The following SLA variants were observed in gnomAD, a reference collection of about 807,000 sequenced individuals.
SLA encodes the protein src-like-adapter.
A neutral mutation model predicts 30.3 loss-of-function variants in SLA; 16 were observed. The observed-to-expected ratio is 0.53, with a 90% confidence interval of 0.36 to 0.80. The LOEUF (loss-of-function observed/expected upper bound fraction) is 0.80. Among genes scored for constraint, SLA ranks in the 30% least tolerant of loss-of-function variants. SLA has a pLI of 0.01. For synonymous variants in SLA, 143 were observed against 137.8 expected, an observed-to-expected ratio of 1.04 and a Z score of -0.26; for missense variants, 310 against 345.2, an observed-to-expected ratio of 0.90 and a Z score of 0.81.
chr8:133,046,944 T>C (rs1399069611), intron 6 of SLA, among the ~76,000 whole-genome samples: 1 of 152,228 alleles, frequency 6.6e-6, no homozygotes, highest in African/African-American at 2.4e-5. Context: ...TTTTCTCTTC[T>C]TTGATATTGA....
intron 8 of SLA, among the ~76,000 whole-genome samples, chr8:133,039,386 A>G (rs1201425907): frequency 2.0e-5 from 3 of 152,226 alleles, no homozygotes; most frequent in Non-Finnish European, 4.4e-5. Flanking sequence ...TGTTATTTAC[A>G]AGAAAGAGCA....
intron 1 of SLA, chr8:133,094,821 G>C (rs1243644737): frequency 1.6e-6 from 1 of 634,780 alleles, no homozygotes; most frequent in Admixed American, 2.3e-5. Flanking sequence ...CACTTCACAG[G>C]TTAGGAAACT....
At position 133,039,021 on chromosome 8, in the gene SLA, C is replaced by G. The variant is rs550265700; in HGVS notation, c.618-284G>C. Among the ~76,000 whole-genome samples, 5 of 152,192 alleles carry G rather than the reference C, an allele frequency of 3.3e-5. No homozygotes were observed. In the South Asian group the frequency reaches 1.0e-3, roughly 32 times the overall value. ...GCCTCCTGAGTAGCTGGGATTACAA[C>G]CATCCACCACCACGCCCAGCTAATT... On this transcript the variant is annotated intron_variant, in intron 8 of 8. Transcript: ENST00000338087.
In SLA at chr8:133,047,830, C is replaced by A. The variant is rs764844116; in HGVS notation, c.352G>T (p.Gly118Trp). 2 of 1,558,114 alleles carry A rather than the reference C, an allele frequency of 1.3e-6. No homozygotes were observed. Among genetic ancestry groups the A allele is most frequent in the South Asian group, 1.1e-5 (1 of 89,994 alleles). The stretch of plus-strand genomic sequence containing the variant: ...GAAAGATGAGTTGGGGGCCACTCAC[C>A]TTTCTTGGTCTCACTCTCTCTGATC... ...FMIRESETKK[G>W]FYSLSVRHRQ... The change falls in exon 6 of 9, where the codon GGG becomes TGG. Residue 118 changes from glycine (G) to tryptophan (W), a missense_variant and splice_region_variant. Transcript: ENST00000338087.
chr8:133,055,919 G>A (rs752504178), intron 3 of SLA, among the ~76,000 whole-genome samples: 11 of 152,008 alleles, frequency 7.2e-5, no homozygotes, highest in Admixed American at 4.6e-4. Flanking sequence ...TGGTGGTACC[G>A]AGGTTACCCC....
At chr8:133,094,714 A>G in intron 1 of SLA, 1 of 397,030 alleles carries the variant, frequency 2.5e-6, no homozygotes, top group Non-Finnish European at 4.8e-6. Context: ...GGACTTTGCC[A>G]CAATCTCCGA....
At chr8:133,049,160 G>C (rs1403851109) in intron 5 of SLA, 1 of 456,474 alleles carries the variant, frequency 2.2e-6, no homozygotes, top group South Asian at 1.5e-5. Context: ...CACCCAGGAG[G>C]CTGCAGAGGC....
intron 1 of SLA, among the ~76,000 whole-genome samples, chr8:133,095,393 C>A (rs961806028): frequency 6.6e-6 from 1 of 152,184 alleles, no homozygotes; most frequent in African/African-American, 2.4e-5. Flanking sequence ...TGCAACAGTC[C>A]AAACATGGGC....
chr8:133,075,361 T>G (rs1179387832), intron 1 of SLA, among the ~76,000 whole-genome samples: 1 of 152,194 alleles, frequency 6.6e-6, no homozygotes, highest in South Asian at 2.1e-4. Context: ...TGCAGCTTCC[T>G]TCTGTTACTG....
chr8:133,059,116 C>G (rs1841984178), intron 3 of SLA: 1 of 456,318 alleles, frequency 2.2e-6, no homozygotes, highest in Non-Finnish European at 4.4e-6. Context: ...GCTCGGCAGA[C>G]AGGGCAGCCA....
At chr8:133,070,321 T>C (rs972679383) in intron 2 of SLA, among the ~76,000 whole-genome samples, 1 of 151,900 alleles carries the variant, frequency 6.6e-6, no homozygotes, top group African/African-American at 2.4e-5. Context: ...CTTTATGAAA[T>C]CTTTCTCCCA....
chr8:133,099,287 C>T (rs1293730408), intron 1 of SLA, among the ~76,000 whole-genome samples: 1 of 152,236 alleles, frequency 6.6e-6, no homozygotes, highest in Admixed American at 6.5e-5. Flanking sequence ...TTTCTGGCTT[C>T]GCTTCTTCAT....
At chr8:133,040,283 T>C (rs1206681160) in intron 7 of SLA, 153 bp from the exon 8 acceptor site, 1 of 798,030 alleles carries the variant, frequency 1.3e-6, no homozygotes, top group Non-Finnish European at 2.0e-6. Flanking sequence ...GTGGTGACAA[T>C]GCTGAAAGTC....
At chr8:133,040,860 C>T (rs547524685) in intron 7 of SLA, among the ~76,000 whole-genome samples, 4 of 152,324 alleles carry the variant, frequency 2.6e-5, no homozygotes, top group African/African-American at 7.2e-5. Flanking sequence ...AAGACAATCT[C>T]TCTTTCACTC....
chr8:133,076,759 T>TAAAAAAAA (rs35056813), intron 1 of SLA: 15 of 128,416 alleles, frequency 1.2e-4, no homozygotes, highest in African/African-American at 3.9e-4. Context: ...GATTTAGCTG[T>TAAAAAAAA]AAAAAAAAAA....
Position 133,050,821 on chromosome 8 carries a change from A to T in SLA, c.156T>A (p.Ile52=), listed in dbSNP as rs369727339. Residue 52 remains isoleucine, a synonymous_variant, in exon 4 of 9, where the codon ATT becomes ATA. Transcript: ENST00000338087. ...GTTTTGGAGAGCTGACTCACTCAGA[A>T]ATCACACGCAGTTTCTCCCCTCGGC... ...IFRRGEKLRV[I]SDEGGWWKAI... 3 of 1,603,382 alleles carry T rather than the reference A, an allele frequency of 1.9e-6. No individual in the cohort carries two copies. In the African/African-American group the frequency reaches 4.0e-5, roughly 21 times the overall value.
intron 2 of SLA, among the ~76,000 whole-genome samples, chr8:133,071,535 G>A (rs144982539): frequency 7.5e-4 from 114 of 152,268 alleles, no homozygotes; most frequent in African/African-American, 2.6e-3. Flanking sequence ...TGGATAGAGC[G>A]GTGCAATGAG....
intron 1 of SLA, among the ~76,000 whole-genome samples, chr8:133,101,734 G>A (rs1365281796): frequency 6.6e-6 from 1 of 152,190 alleles, no homozygotes; most frequent in African/African-American, 2.4e-5. Flanking sequence ...AACAGACAAG[G>A]CAAACAACTG....
At chr8:133,043,166 C>A (rs545464249) in intron 7 of SLA, among the ~76,000 whole-genome samples, 13 of 152,198 alleles carry the variant, frequency 8.5e-5, no homozygotes, top group Admixed American at 4.6e-4. Flanking sequence ...GAACATACTG[C>A]GGGAAGGCGC....
Sources: allele counts gnomAD v4.1 joint callset (sites outside exome capture counted in the v4.1 genomes callset), GRCh38; gene constraint gnomAD v4.1.1; transcripts MANE v1.5; gene names NCBI Gene and HGNC (gene_info 2026-07-23, HGNC 2026-07-21).